HSDL1: variants seen among roughly 807,000 people sequenced by gnomAD.
HSDL1 encodes the protein hydroxysteroid dehydrogenase like 1, also known as inactive hydroxysteroid dehydrogenase-like protein 1.
Under a neutral mutation model 31.5 loss-of-function variants are expected in HSDL1, and 29 were observed. That is an observed-to-expected ratio of 0.92 (90% confidence interval 0.69 to 1.26). The LOEUF (loss-of-function observed/expected upper bound fraction) is 1.26, where lower values mean the gene tolerates loss of function less well. Ranked by LOEUF, HSDL1 falls within the 50% of genes most tolerant of loss-of-function variation. The pLI, the probability that HSDL1 is intolerant of heterozygous loss-of-function variation, is 0.00. For synonymous variants in HSDL1, 222 were observed against 155.2 expected (o/e 1.43, Z -3.20); for missense variants, 503 against 416.6 (o/e 1.21, Z -1.81).
chr16:84,143,445 G>C (rs1020125039), intron 1 of HSDL1, among the ~76,000 whole-genome samples: 1 of 152,092 alleles, frequency 6.6e-6, no homozygotes, highest in Non-Finnish European at 1.5e-5. Flanking sequence ...TGAGGGACAG[G>C]GGGAGAAAAG....
intron 5 of HSDL1, among the ~76,000 whole-genome samples, chr16:84,128,288 T>C (rs1404589159): frequency 1.4e-5 from 2 of 147,830 alleles, no homozygotes; most frequent in Non-Finnish European, 3.0e-5. Context: ...GAATTCCATC[T>C]CAAAAAAAAA....
intron 2 of HSDL1, among the ~76,000 whole-genome samples, chr16:84,135,143 G>A (rs952490694): frequency 6.6e-6 from 1 of 151,888 alleles, no homozygotes; most frequent in African/African-American, 2.4e-5. Flanking sequence ...TGAGGCAGGA[G>A]AATGGCATGA....
At chr16:84,136,936 T>C (rs963583235) in intron 1 of HSDL1, among the ~76,000 whole-genome samples, 2 of 152,140 alleles carry the variant, frequency 1.3e-5, no homozygotes, top group Non-Finnish European at 2.9e-5. Flanking sequence ...AGAAGACTGA[T>C]ACATTCAAAT....
At chr16:84,138,691 C>T (rs1175507691) in intron 1 of HSDL1, among the ~76,000 whole-genome samples, 1 of 152,174 alleles carries the variant, frequency 6.6e-6, no homozygotes, top group East Asian at 1.9e-4. Context: ...ACTAAAACAT[C>T]TGTGAACAAA....
intron 2 of HSDL1, 146 bp from the exon 3 acceptor site, chr16:84,131,473 C>A: frequency 1.6e-6 from 1 of 630,014 alleles, no homozygotes. Context: ...GTACGTGGCT[C>A]ACAGTTTCAG....
chr16:84,134,281 A>T (rs1469824541), intron 2 of HSDL1, among the ~76,000 whole-genome samples: 1 of 152,068 alleles, frequency 6.6e-6, no homozygotes, highest in Non-Finnish European at 1.5e-5. Context: ...TAAGTACTGG[A>T]CTCCCAAAGA....
chr16:84,125,831 C>T lies in HSDL1; in HGVS notation c.895-1103G>A, dbSNP rs181886019. On this transcript the variant is annotated intron_variant, in intron 5 of 5. Transcript: ENST00000219439. Reference sequence around the variant, plus strand: ...TAAGAACCACAAAATCGGCTGGGCACGCTGGCTCATGCCTGTAATCCCAAC... The same window carrying T: ...TAAGAACCACAAAATCGGCTGGGCATGCTGGCTCATGCCTGTAATCCCAAC... Among the ~76,000 whole-genome samples the T allele has an allele frequency of 1.9e-3, 284 of 152,276 alleles. 2 individuals are homozygous for T. Among genetic ancestry groups the T allele is most frequent in the African/African-American group, 6.4e-3 (266 of 41,564 alleles).
intron 1 of HSDL1, among the ~76,000 whole-genome samples, chr16:84,136,258 G>A (rs2086711370): frequency 6.6e-6 from 1 of 152,350 alleles, no homozygotes; most frequent in Middle Eastern, 3.4e-3. Flanking sequence ...CCTAGGCTGT[G>A]AGTGGGTCAG....
intron 3 of HSDL1, chr16:84,130,893 C>G (rs185702109): frequency 5.9e-4 from 330 of 556,568 alleles, no homozygotes; most frequent in Non-Finnish European, 9.3e-4. Flanking sequence ...CAGGAGAGAG[C>G]AGAATAGGAA....
Position 84,124,648 on chromosome 16 carries a change from G to A in HSDL1, c.975C>T (p.Ala325=), listed in dbSNP as rs903007213. ...TCCAGACTCAGGCTGTGCAGGATAA[G>A]GCTTCCTTACGTAGTGAACGGTTGA... The part of the protein sequence containing the change: ...NILNRSLRKE[A]LSCTA The change falls in exon 6 of 6, where the codon GCC becomes GCT. Residue 325 remains alanine (A), a synonymous_variant. Coordinates refer to ENST00000219439, the MANE Select transcript of HSDL1 (RefSeq NM_031463.5). The A allele has an allele frequency of 3.7e-6, 6 of 1,612,990 alleles. No homozygotes were observed. The highest frequency in any genetic ancestry group is 4.2e-6 in the Non-Finnish European group (5 of 1,179,064).
In HSDL1 at chr16:84,130,207, C is replaced by T. The variant is rs1440490292; in HGVS notation, c.445G>A (p.Val149Ile). Residue 149 changes from valine (V) to isoleucine (I), a missense_variant, in exon 4 of 6, where the codon GTA becomes ATA. Val to Ile is a conservative substitution (Grantham distance 29). Coordinates refer to ENST00000219439, the MANE Select transcript of HSDL1 (RefSeq NM_031463.5). ...GGATAAAACACACCCACGTTATTTA[C>T]CAAGATGCCAACGTCTTTGTCCTTC... ...ALKDKDVGIL[V>I]NNVGVFYPYP... 2 of 1,614,212 alleles carry T rather than the reference C, an allele frequency of 1.2e-6. No homozygotes were observed. Among genetic ancestry groups the T allele is most frequent in the Admixed American group, 1.7e-5 (1 of 60,018 alleles).
chr16:84,126,598 G>A (rs1361200870), intron 5 of HSDL1, among the ~76,000 whole-genome samples: 4 of 152,202 alleles, frequency 2.6e-5, no homozygotes, highest in Non-Finnish European at 4.4e-5. Flanking sequence ...CCGTGTATAC[G>A]AAAGAGAAGA....
intron 1 of HSDL1, among the ~76,000 whole-genome samples, chr16:84,138,750 T>C (rs2086736670): frequency 6.6e-6 from 1 of 152,202 alleles, no homozygotes. Context: ...CAAGTCCCTA[T>C]TATCTTTTAA....
intron 1 of HSDL1, among the ~76,000 whole-genome samples, chr16:84,136,813 G>A (rs2086717366): frequency 6.6e-6 from 1 of 152,170 alleles, no homozygotes; most frequent in African/African-American, 2.4e-5. Context: ...GCATCAGGGG[G>A]GCTGATGGCA....
chr16:84,131,084 G>C lies in HSDL1; in HGVS notation c.220+18C>G, dbSNP rs199762725. The C allele has an allele frequency of 3.9e-5, 61 of 1,571,274 alleles. No individual in the cohort carries two copies. In the East Asian group the frequency reaches 8.4e-4, roughly 22 times the overall value. ...CCGACTTCACAGAAAAGATTATTTT[G>C]ATTATAAAGTAGGTTACCGCTGACA... On this transcript the variant is annotated intron_variant, in intron 3 of 5. Coordinates refer to ENST00000219439, the MANE Select transcript of HSDL1 (RefSeq NM_031463.5).
At chr16:84,133,242 T>A (rs967494831) in intron 2 of HSDL1, among the ~76,000 whole-genome samples, 2 of 152,082 alleles carry the variant, frequency 1.3e-5, no homozygotes, top group African/African-American at 4.8e-5. Context: ...TATATAAATG[T>A]GTAGTGTGAA....
chr16:84,130,892 G>C (rs2086657551), intron 3 of HSDL1: 3 of 558,944 alleles, frequency 5.4e-6, no homozygotes, highest in Non-Finnish European at 6.3e-6. Context: ...ACAGGAGAGA[G>C]CAGAATAGGA....
chr16:84,128,225 G>T (rs1226494161), intron 5 of HSDL1, among the ~76,000 whole-genome samples: 1 of 151,472 alleles, frequency 6.6e-6, no homozygotes, highest in Admixed American at 6.6e-5. Flanking sequence ...AGAGGTGGAG[G>T]TTGCAGTGAG....
At chr16:84,126,906 A>C (rs1349444208) in intron 5 of HSDL1, among the ~76,000 whole-genome samples, 2 of 152,222 alleles carry the variant, frequency 1.3e-5, no homozygotes, top group Non-Finnish European at 2.9e-5. Flanking sequence ...ATGAAAACAG[A>C]AAGTTTTAAC....
Sources: gnomAD v4.1 joint callset for allele counts (sites outside exome capture counted in the v4.1 genomes callset) on GRCh38, gnomAD v4.1.1 for gene constraint, MANE v1.5 for transcripts, NCBI Gene and HGNC (gene_info 2026-07-23, HGNC 2026-07-21) for gene names.